Variants in HHLA2 observed in about 807,000 individuals in gnomAD.
The protein encoded by HHLA2 is HHLA2 member of B7 family, also known as HERV-H LTR-associating protein 2.
A neutral mutation model predicts 45.9 loss-of-function variants in HHLA2; 48 were observed. The observed-to-expected ratio is 1.05, with a 90% confidence interval of 0.83 to 1.33. The LOEUF is 1.33. HHLA2 is among the 40% of genes most tolerant of loss of function. HHLA2 has a pLI of 0.00. For missense variants in HHLA2, 462 were observed against 494.3 expected, an observed-to-expected ratio of 0.93 and a Z score of 0.62; for synonymous variants, 161 against 173.9, an observed-to-expected ratio of 0.93 and a Z score of 0.59.
At chr3:108,345,885 G>T (rs2081653832) in intron 3 of HHLA2, among the ~76,000 whole-genome samples, 4 of 152,180 alleles carry the variant, frequency 2.6e-5, no homozygotes, top group African/African-American at 9.7e-5. Context: ...GCAACTTATA[G>T]ATAAATTCCT....
At chr3:108,353,844 C>A (rs2081835533) in intron 5 of HHLA2, 64 bp downstream of exon 4, 1 of 1,268,076 alleles carries the variant, frequency 7.9e-7, no homozygotes, top group Non-Finnish European at 1.1e-6. Context: ...TAGTAAGCGT[C>A]TTTTTCCTAA....
chr3:108,306,710 A>G (rs574784883), intron 1 of HHLA2, among the ~76,000 whole-genome samples: 25 of 152,218 alleles, frequency 1.6e-4, no homozygotes, highest in Non-Finnish European at 2.8e-4. Flanking sequence ...TTTTTAACAT[A>G]CTACATTTTC....
At chr3:108,347,882 G>C (rs1238864008) in intron 3 of HHLA2, among the ~76,000 whole-genome samples, 1 of 152,138 alleles carries the variant, frequency 6.6e-6, no homozygotes, top group Admixed American at 6.6e-5. Flanking sequence ...GAAGAATTTG[G>C]TACTAGGTGA....
chr3:108,363,441 A>G (rs1424338350), intron 8 of HHLA2, among the ~76,000 whole-genome samples: 1 of 152,158 alleles, frequency 6.6e-6, no homozygotes, highest in African/African-American at 2.4e-5. Flanking sequence ...TGTCTCTTTT[A>G]TCTGTCCTTC....
At chr3:108,317,918 A>C (rs976654735) in intron 2 of HHLA2, among the ~76,000 whole-genome samples, 1 of 152,066 alleles carries the variant, frequency 6.6e-6, no homozygotes, top group African/African-American at 2.4e-5. Flanking sequence ...ATGGTGGCTC[A>C]CACCTATAAT....
chr3:108,332,849 T>C lies in HHLA2; in HGVS notation c.-27+4502T>C, dbSNP rs575219135. ...TTATGTAGCCCTTCCTTAGGTTGTG[T>C]GAGCAACCTTAGAATCCTTCCCTCA... On this transcript the variant is annotated intron_variant, in intron 3 of 10. Transcript: ENST00000619531. Among the ~76,000 whole-genome samples the C allele has an allele frequency of 7.9e-5, 12 of 152,296 alleles. No homozygotes were observed. The South Asian group carries it at 1.7e-3, about 21-fold the overall frequency.
At chr3:108,318,816 T>A (rs563853466) in intron 2 of HHLA2, among the ~76,000 whole-genome samples, 1 of 152,322 alleles carries the variant, frequency 6.6e-6, no homozygotes, top group East Asian at 1.9e-4. Flanking sequence ...TTTACTTCCA[T>A]CCTACACCAT....
chr3:108,346,655 T>TA lies in HHLA2; in HGVS notation c.-26-5127dup, dbSNP rs147554115. The stretch of plus-strand genomic sequence containing the variant: ...AGTTATGAGGCCAGGACTAGTCTTT[T>TA]AAAAAATATATTGACAGATAACATT... On this transcript the variant is annotated intron_variant, in intron 3 of 10. Transcript: ENST00000619531. Among the ~76,000 whole-genome samples the TA allele has an allele frequency of 7.5e-3, 1,136 of 152,328 alleles. 21 individuals are homozygous for TA. The highest frequency in any genetic ancestry group is 0.026 in the African/African-American group (1,081 of 41,576).
Position 108,352,719 on chromosome 3 carries a change from TGAAAA to T in HHLA2, c.65-702_65-698del, listed in dbSNP as rs555681862. 1.2e-3 allele frequency among the ~76,000 whole-genome samples: 183 copies of T among 152,292 alleles called. 2 individuals are homozygous for T. Among genetic ancestry groups the T allele is most frequent in the African/African-American group, 4.2e-3 (176 of 41,564 alleles). The stretch of plus-strand genomic sequence containing the variant: ...TGAAATTAACTTGTGAAGTTGACAG[TGAAAA>T]GAAAACAAAACAAAATAAGTAAATC... On this transcript the variant is annotated intron_variant, in intron 4 of 10. Transcript: ENST00000619531.
chr3:108,310,576 A>G (rs1202285193), intron 1 of HHLA2, 79 bp from the exon 2 acceptor site: 1 of 152,620 alleles, frequency 6.6e-6, no homozygotes, highest in African/African-American at 2.4e-5. Context: ...CTGAAAATGA[A>G]CTGCATCCCA....
At chr3:108,371,998 TCCA>T (rs1269265936) in intron 8 of HHLA2, among the ~76,000 whole-genome samples, 1 of 152,168 alleles carries the variant, frequency 6.6e-6, no homozygotes. Flanking sequence ...TACAGAACTC[TCCA>T]CCCCAAATCA....
At chr3:108,373,928 C>T (rs2082226571) in intron 8 of HHLA2, among the ~76,000 whole-genome samples, 1 of 150,814 alleles carries the variant, frequency 6.6e-6, no homozygotes, top group Non-Finnish European at 1.5e-5. Flanking sequence ...GATTCAATGC[C>T]ATCCCCATCA....
intron 2 of HHLA2, among the ~76,000 whole-genome samples, chr3:108,314,458 T>A (rs2081070412): frequency 6.6e-6 from 1 of 152,136 alleles, no homozygotes; most frequent in Non-Finnish European, 1.5e-5. Context: ...TGCTTCCCAA[T>A]TTTTAAATAG....
chr3:108,343,303 A>T (rs1300506631), intron 3 of HHLA2, among the ~76,000 whole-genome samples: 5 of 152,188 alleles, frequency 3.3e-5, no homozygotes, highest in Non-Finnish European at 5.9e-5. Flanking sequence ...GGAAGAATTG[A>T]CTCTGAGCAC....
chr3:108,299,347 A>C (rs1385725443), intron 1 of HHLA2, among the ~76,000 whole-genome samples: 1 of 149,062 alleles, frequency 6.7e-6, no homozygotes, highest in Non-Finnish European at 1.5e-5. Context: ...ATAATCATAT[A>C]ACTATTATAA....
intron 3 of HHLA2, among the ~76,000 whole-genome samples, chr3:108,338,938 A>C (rs982616926): frequency 2.0e-5 from 3 of 152,200 alleles, no homozygotes; most frequent in African/African-American, 7.2e-5. Context: ...TATTCAAATC[A>C]ATGTTTTCAG....
At position 108,305,265 on chromosome 3, in the gene HHLA2, G is replaced by A. The variant is rs113284719; in HGVS notation, c.-191-5390G>A. 2.0e-3 allele frequency among the ~76,000 whole-genome samples: 305 copies of A among 152,270 alleles called. 2 individuals carry two copies. The highest frequency in any genetic ancestry group is 6.6e-3 in the African/African-American group (275 of 41,554). On this transcript the variant is annotated intron_variant, in intron 1 of 10. Coordinates refer to ENST00000619531, the Ensembl canonical transcript of HHLA2. The stretch of plus-strand genomic sequence containing the variant: ...CAGGGCTGTGAGAGAGAAGGAAAGC[G>A]GAAGCAAGGCAAGGGAAGATGGGCA...
At position 108,370,000 on chromosome 3, in the gene HHLA2, G is replaced by A. The variant is rs546372949; in HGVS notation, c.1109-5750G>A. Among the ~76,000 whole-genome samples, 69 of 152,238 alleles carry A rather than the reference G, an allele frequency of 4.5e-4. No individual in the cohort carries two copies. In the Middle Eastern group the frequency reaches 0.01, roughly 23 times the overall value. On this transcript the variant is annotated intron_variant, in intron 8 of 10. Coordinates refer to ENST00000619531, the Ensembl canonical transcript of HHLA2. ...AGCACGCAGCTTGAGATCTGAGAAC[G>A]GGCAGACTGCCTCCTCAAGTGGGTC...
At chr3:108,342,540 C>T (rs2081592227) in intron 3 of HHLA2, among the ~76,000 whole-genome samples, 1 of 152,130 alleles carries the variant, frequency 6.6e-6, no homozygotes, top group African/African-American at 2.4e-5. Flanking sequence ...GCTGGGATTA[C>T]AGGCATGAGC....
Sources: allele counts gnomAD v4.1 joint callset (sites outside exome capture counted in the v4.1 genomes callset), GRCh38; gene constraint gnomAD v4.1.1; transcripts MANE v1.5; gene names NCBI Gene and HGNC (gene_info 2026-07-23, HGNC 2026-07-21).